SFMBT1: variants seen among roughly 807,000 people sequenced by gnomAD.
SFMBT1 encodes the protein scm-like with four MBT domains protein 1.
SFMBT1 carries 32 observed loss-of-function variants against 108.7 expected under a neutral mutation model. The observed-to-expected ratio is 0.29, with a 90% CI of 0.22 to 0.40. SFMBT1 has a LOEUF of 0.40. SFMBT1 is among the 10% of genes least tolerant of loss of function. The pLI is 1.00. For missense variants in SFMBT1, 816 were observed against 1,059.6 expected, an observed-to-expected ratio of 0.77 and a Z score of 3.19; for synonymous variants, 348 against 369.5, an observed-to-expected ratio of 0.94 and a Z score of 0.67.
Position 53,002,445 on chromosome 3 carries a change from A to T in SFMBT1, c.-130-33187T>A, listed in dbSNP as rs1410159439. ...AGAAATCACCCAGCCCAGTATCTTG[A>T]ATTAACAAATAAGCAAAACTATCCA... On this transcript the variant is annotated intron_variant, in intron 1 of 20. Transcript: ENST00000394752. 1.3e-5 allele frequency among the ~76,000 whole-genome samples: 2 copies of T among 149,216 alleles called. 1 individual carries two copies. Among genetic ancestry groups the T allele is most frequent in the Non-Finnish European group, 3.0e-5 (2 of 66,782 alleles).
intron 3 of SFMBT1, among the ~76,000 whole-genome samples, chr3:52,947,017 C>A (rs941011869): frequency 7.9e-5 from 12 of 152,122 alleles, no homozygotes; most frequent in African/African-American, 2.9e-4. Context: ...AGCGATCCAC[C>A]TGCCTCAGCC....
intron 1 of SFMBT1, among the ~76,000 whole-genome samples, chr3:52,998,949 G>A (rs1463126275): frequency 6.6e-6 from 1 of 150,886 alleles, no homozygotes; most frequent in Non-Finnish European, 1.5e-5. Context: ...CGACCACCAT[G>A]GAGGGAGCAT....
chr3:52,999,534 G>A (rs1698465263), intron 1 of SFMBT1, among the ~76,000 whole-genome samples: 2 of 150,334 alleles, frequency 1.3e-5, no homozygotes, highest in African/African-American at 4.8e-5. Context: ...CTCTTTTGGT[G>A]TATCCCTTCA....
At position 52,934,812 on chromosome 3, in the gene SFMBT1, C is replaced by T. The variant is rs1702956188; in HGVS notation, c.453+1G>A. On this transcript the variant is annotated splice_donor_variant, in intron 5 of 20. Coordinates refer to ENST00000394752, the MANE Select transcript of SFMBT1 (RefSeq NM_016329.4). LOFTEE classifies it high-confidence loss of function. ...CTGATGTGGCATGTAGTAATACTCA[C>T]GCCCTCTAGCAGCGGAACAGGAGGA... The T allele has an allele frequency of 6.2e-7, 1 of 1,611,130 alleles. No individual in the cohort carries two copies. Among genetic ancestry groups the T allele is most frequent in the Non-Finnish European group, 8.5e-7 (1 of 1,178,110 alleles).
chr3:53,000,955 G>A (rs1328283256), intron 1 of SFMBT1, among the ~76,000 whole-genome samples: 1 of 150,220 alleles, frequency 6.7e-6, no homozygotes, highest in Admixed American at 6.7e-5. Flanking sequence ...AGGGGTGTGG[G>A]TACAGATGAA....
chr3:52,955,619 T>A (rs1204002872), intron 2 of SFMBT1, among the ~76,000 whole-genome samples: 2 of 152,038 alleles, frequency 1.3e-5, no homozygotes, highest in Non-Finnish European at 2.9e-5. Flanking sequence ...ATGGATAAAT[T>A]CCTGGACACA....
At chr3:53,012,477 A>G (rs1189374026) in intron 1 of SFMBT1, among the ~76,000 whole-genome samples, 1 of 150,262 alleles carries the variant, frequency 6.7e-6, no homozygotes, top group Non-Finnish European at 1.5e-5. Context: ...ATCTCAGCTC[A>G]CTGCAAGCTC....
At chr3:53,014,314 A>G (rs151258422) in intron 1 of SFMBT1, among the ~76,000 whole-genome samples, 2,591 of 152,226 alleles carry the variant, frequency 0.017, 39 homozygotes, top group South Asian at 0.027. Context: ...ACTTCTTAGA[A>G]AGTTTTTAGG....
intron 1 of SFMBT1, among the ~76,000 whole-genome samples, chr3:52,988,028 A>C (rs1446428169): frequency 6.6e-6 from 1 of 152,258 alleles, no homozygotes; most frequent in Non-Finnish European, 1.5e-5. Context: ...TCAGGAAAGC[A>C]TAAAAAACAA....
At chr3:52,931,070 G>T in intron 6 of SFMBT1, 35 bp from the exon 7 acceptor site, 2 of 1,572,050 alleles carry the variant, frequency 1.3e-6, no homozygotes, top group South Asian at 1.1e-5. Flanking sequence ...TTTAGATGAT[G>T]AGAAACTTAT....
intron 1 of SFMBT1, among the ~76,000 whole-genome samples, chr3:53,037,311 CAAAG>C (rs1424896175): frequency 6.6e-6 from 1 of 152,154 alleles, no homozygotes; most frequent in Non-Finnish European, 1.5e-5. Flanking sequence ...AGCCTGACAA[CAAAG>C]AAAGTCATTT....
At chr3:52,939,522 C>T (rs889372127) in intron 4 of SFMBT1, among the ~76,000 whole-genome samples, 4 of 151,992 alleles carry the variant, frequency 2.6e-5, no homozygotes, top group South Asian at 4.2e-4. Flanking sequence ...TGTAGTGGGC[C>T]GAGATCGTGC....
chr3:52,985,701 G>C (rs986994117), intron 1 of SFMBT1, among the ~76,000 whole-genome samples: 2 of 152,128 alleles, frequency 1.3e-5, no homozygotes, highest in African/African-American at 4.8e-5. Context: ...AAACCTAGAT[G>C]GTGCGGCCTA....
chr3:52,999,586 G>C (rs1358675358), intron 1 of SFMBT1, among the ~76,000 whole-genome samples: 1 of 150,232 alleles, frequency 6.7e-6, no homozygotes, highest in African/African-American at 2.4e-5. Context: ...ATGTTCAAAC[G>C]CTCCAGAAGA....
chr3:53,011,344 T>C (rs1323927132), intron 1 of SFMBT1, among the ~76,000 whole-genome samples: 2 of 151,962 alleles, frequency 1.3e-5, no homozygotes, highest in Non-Finnish European at 2.9e-5. Flanking sequence ...AGTATGCTCG[T>C]GTGTAAGGTG....
chr3:52,990,785 G>A lies in SFMBT1; in HGVS notation c.-130-21527C>T, dbSNP rs150104248. 3.2e-4 allele frequency among the ~76,000 whole-genome samples: 49 copies of A among 152,178 alleles called. No homozygotes were observed. The East Asian group carries it at 5.2e-3, about 16-fold the overall frequency. On this transcript the variant is annotated intron_variant, in intron 1 of 20. Coordinates refer to ENST00000394752, the MANE Select transcript of SFMBT1 (RefSeq NM_016329.4). ...CAAAGCTAAGGAGTTTTGGCCTTGGGAATTCAGATATTACGCATAAAACAA... is the reference window on the plus strand; with the variant it reads ...CAAAGCTAAGGAGTTTTGGCCTTGGAAATTCAGATATTACGCATAAAACAA...
Position 53,002,126 on chromosome 3 carries a change from C to T in SFMBT1, c.-130-32868G>A, listed in dbSNP as rs145787100. ...TTAGAAATCATCCAGCCCAGTTGGC[C>T]GCAGTGGCTCACGCCTGTAATCCCA... On this transcript the variant is annotated intron_variant, in intron 1 of 20. Transcript: ENST00000394752. Among the ~76,000 whole-genome samples, 12 of 149,694 alleles carry T rather than the reference C, an allele frequency of 8.0e-5. No individual in the cohort carries two copies. In the East Asian group the frequency reaches 2.2e-3, roughly 27 times the overall value.
At chr3:52,996,705 T>C (rs1698346102) in intron 1 of SFMBT1, among the ~76,000 whole-genome samples, 1 of 149,866 alleles carries the variant, frequency 6.7e-6, no homozygotes, top group Non-Finnish European at 1.5e-5. Flanking sequence ...GAGAAGTGAG[T>C]CCTCATACAA....
chr3:52,913,812 A>G (rs958850724), intron 14 of SFMBT1, among the ~76,000 whole-genome samples, 195 bp from the exon 15 acceptor site: 1 of 152,192 alleles, frequency 6.6e-6, no homozygotes, highest in Admixed American at 6.5e-5. Flanking sequence ...ACTCTGCTGA[A>G]ATCAAAGAGG....
Sources: gnomAD v4.1 joint callset for allele counts (sites outside exome capture counted in the v4.1 genomes callset) on GRCh38, gnomAD v4.1.1 for gene constraint, MANE v1.5 for transcripts, NCBI Gene and HGNC (gene_info 2026-07-23, HGNC 2026-07-21) for gene names.